The following HAPLN3 variants were observed in gnomAD, a reference collection of about 807,000 sequenced individuals.
The protein encoded by HAPLN3 is hyaluronan and proteoglycan link protein 3.
HAPLN3 carries 28 observed loss-of-function variants against 28.1 expected under a neutral mutation model. The ratio of observed to expected loss-of-function variants is 1.00; its 90% CI spans 0.74 to 1.37. HAPLN3 has a LOEUF of 1.37. Ranked by LOEUF, HAPLN3 falls within the 40% of genes most tolerant of loss-of-function variation. The pLI is 0.00. For synonymous variants in HAPLN3, 211 were observed against 213.1 expected (o/e 0.99, Z 0.09); for missense variants, 513 against 504.6 (o/e 1.02, Z -0.16).
intron 2 of HAPLN3, among the ~76,000 whole-genome samples, chr15:88,885,607 G>A (rs1011491402): frequency 6.6e-6 from 1 of 152,048 alleles, no homozygotes; most frequent in African/African-American, 2.4e-5. Context: ...AAAGGCACCT[G>A]CCACCACGCC....
In HAPLN3 at chr15:88,879,660, C is replaced by A. The variant is rs554236889; in HGVS notation, c.494-391G>T. 5 of 1,207,612 alleles carry A rather than the reference C, an allele frequency of 4.1e-6. No homozygotes were observed. Among genetic ancestry groups the A allele is most frequent in the African/African-American group, 1.6e-5 (1 of 63,374 alleles). The allele number at this position is 1,207,612 out of a possible 1,614,324, so 74.8% of individuals were successfully genotyped here. A position where few individuals can be genotyped will look rare whatever the true frequency, so the allele number is the denominator to read the frequency against. Reference sequence around the variant, plus strand: ...CCCCACTCGTTAGCTGGGACCCGATCGTCTACGTTATTATGAATGTGGAAA... The same window carrying A: ...CCCCACTCGTTAGCTGGGACCCGATAGTCTACGTTATTATGAATGTGGAAA... On this transcript the variant is annotated intron_variant, in intron 3 of 4. Coordinates refer to ENST00000359595, the MANE Select transcript of HAPLN3 (RefSeq NM_178232.4). This position sits in a 1 kb window ranked among gnomAD's most constrained non-coding sequence, Gnocchi z 5.0.
intron 1 of HAPLN3, among the ~76,000 whole-genome samples, chr15:88,893,951 TGG>T (rs1198807826): frequency 7.9e-5 from 3 of 38,084 alleles, no homozygotes; most frequent in African/African-American, 3.3e-4. Flanking sequence ...AAAGTTGGGG[TGG>T]GGGGGGCGGT....
At position 88,881,026 on chromosome 15, in the gene HAPLN3, T is replaced by G. The variant is rs924493292; in HGVS notation, c.493+331A>C. 7 of 361,050 alleles carry G rather than the reference T, an allele frequency of 1.9e-5. No individual in the cohort carries two copies. The highest frequency in any genetic ancestry group is 3.6e-5 in the Non-Finnish European group (7 of 196,462). The allele number at this position is 361,050 out of a possible 1,614,324, so 22.4% of individuals were successfully genotyped here. On this transcript the variant is annotated intron_variant, in intron 3 of 4. Transcript: ENST00000359595. The surrounding 1 kb of genome is among the most constrained non-coding windows in gnomAD (Gnocchi z 6.0). ...GCTTAAATCTCAGCTCTGTCTCTAA[T>G]AAGCTGTGGGACCAGCTCTGGTTTT...
intron 1 of HAPLN3, chr15:88,893,020 A>C: frequency 6.6e-7 from 1 of 1,517,018 alleles, no homozygotes; most frequent in African/African-American, 1.4e-5. Context: ...CTGTCTGGGC[A>C]CTCAGACCTG....
Position 88,888,005 on chromosome 15 carries a change from C to T in HAPLN3, c.-47-660G>A, listed in dbSNP as rs1444235859. 1.3e-5 allele frequency among the ~76,000 whole-genome samples: 2 copies of T among 151,644 alleles called. No individual in the cohort carries two copies. The highest frequency in any genetic ancestry group is 2.9e-5 in the Non-Finnish European group (2 of 67,936). The stretch of plus-strand genomic sequence containing the variant: ...AAAGAAAAGAAAAGAAAGGTATGAG[C>T]AGCACTTTTTAATGACGCCAAATAA... On this transcript the variant is annotated intron_variant, in intron 1 of 4. Transcript: ENST00000359595. This position sits in a 1 kb window ranked among gnomAD's most constrained non-coding sequence, Gnocchi z 4.1.
intron 4 of HAPLN3, 87 bp from the exon 5 acceptor site, chr15:88,878,343 C>T: frequency 8.0e-7 from 1 of 1,242,322 alleles, no homozygotes; most frequent in Non-Finnish European, 1.1e-6. Flanking sequence ...GCCCCAAAGA[C>T]CCGTCTGAGC....
At chr15:88,885,018 T>C (rs1179546805) in intron 2 of HAPLN3, among the ~76,000 whole-genome samples, 2 of 152,252 alleles carry the variant, frequency 1.3e-5, no homozygotes, top group Non-Finnish European at 2.9e-5. Flanking sequence ...AGTGAGAGAA[T>C]ACATTTCTGT....
intron 1 of HAPLN3, among the ~76,000 whole-genome samples, chr15:88,887,924 T>C (rs1897908862): frequency 6.6e-6 from 1 of 151,486 alleles, no homozygotes; most frequent in African/African-American, 2.4e-5. Flanking sequence ...GATCATGCCA[T>C]TGCACTCCAG....
chr15:88,883,655 A>G (rs1404687326), intron 2 of HAPLN3, among the ~76,000 whole-genome samples: 1 of 152,268 alleles, frequency 6.6e-6, no homozygotes, highest in African/African-American at 2.4e-5. Context: ...ATGTAAAATA[A>G]TCTGGTAGAT....
At chr15:88,893,957 G>T (rs1004177993) in intron 1 of HAPLN3, among the ~76,000 whole-genome samples, 2 of 150,536 alleles carry the variant, frequency 1.3e-5, no homozygotes, top group African/African-American at 4.9e-5. Context: ...GGGGTGGGGG[G>T]GGCGGTCACG....
At chr15:88,887,421 C>T (rs1308187113) in intron 1 of HAPLN3, 76 bp from the exon 2 acceptor site, 2 of 1,329,094 alleles carry the variant, frequency 1.5e-6, no homozygotes, top group Admixed American at 2.1e-5. Context: ...TCCAACACCA[C>T]TCACTCGCTT....
intron 1 of HAPLN3, among the ~76,000 whole-genome samples, chr15:88,889,113 TAG>T (rs1338577129): frequency 2.0e-5 from 3 of 152,170 alleles, no homozygotes; most frequent in Admixed American, 6.5e-5. Flanking sequence ...GCCTCTGCCA[TAG>T]AGTGTCTGCT....
At position 88,877,744 on chromosome 15, in the gene HAPLN3, G is replaced by T. The variant is rs1189600065; in HGVS notation, c.*226C>A. 5.6e-6 allele frequency: 3 copies of T among 531,660 alleles called. No individual in the cohort carries two copies. Among genetic ancestry groups the T allele is most frequent in the Non-Finnish European group, 9.8e-6 (3 of 305,514 alleles). The allele number at this position is 531,660 out of a possible 1,614,324, so 32.9% of individuals were successfully genotyped here. ...GAACCCTCCAGAAGCCCACAAAACCGCAAATGGCCCAGGGGAGCAAGCATG... is the reference window on the plus strand; with the variant it reads ...GAACCCTCCAGAAGCCCACAAAACCTCAAATGGCCCAGGGGAGCAAGCATG... On this transcript the variant is annotated 3_prime_UTR_variant, in exon 5 of 5. Transcript: ENST00000359595. This position sits in a 1 kb window ranked among gnomAD's most constrained non-coding sequence, Gnocchi z 5.1.
In HAPLN3 at chr15:88,881,637, G is replaced by C. The variant is rs1411777626; in HGVS notation, c.213C>G (p.Arg71=). Reference sequence around the variant, plus strand: ...AGACCAGGGCCGGCTCGTAGCGGTAGCGGCAGGGCAGGATCACACTGGCCC... The same window carrying C: ...AGACCAGGGCCGGCTCGTAGCGGTACCGGCAGGGCAGGATCACACTGGCCC... ...YQGASVILPC[R]YRYEPALVSP... Residue 71 remains arginine (R), a synonymous_variant, in exon 3 of 5, where the codon CGC becomes CGG. Coordinates refer to ENST00000359595, the MANE Select transcript of HAPLN3 (RefSeq NM_178232.4). The surrounding 1 kb of genome is among the most constrained non-coding windows in gnomAD (Gnocchi z 6.0). 1.9e-6 allele frequency: 3 copies of C among 1,613,790 alleles called. No homozygotes were observed. The highest frequency in any genetic ancestry group is 2.5e-6 in the Non-Finnish European group (3 of 1,180,042).
At position 88,878,437 on chromosome 15, in the gene HAPLN3, A is replaced by G. The variant is rs117784193; in HGVS notation, c.797-181T>C. On this transcript the variant is annotated intron_variant, in intron 4 of 4. Coordinates refer to ENST00000359595, the MANE Select transcript of HAPLN3 (RefSeq NM_178232.4). ...CCCAGAGAGCTCTGTCCCACCTGCC[A>G]TAGAACCCAGGTCCCTCCAGACATG... Among the ~76,000 whole-genome samples, 124 of 152,270 alleles carry G rather than the reference A, an allele frequency of 8.1e-4. 1 individual carries two copies. Among genetic ancestry groups the G allele is most frequent in the Admixed American group, 3.7e-3 (56 of 15,300 alleles).
chr15:88,885,462 T>G (rs954646378), intron 2 of HAPLN3, among the ~76,000 whole-genome samples: 6 of 147,498 alleles, frequency 4.1e-5, no homozygotes, highest in Admixed American at 1.3e-4. Flanking sequence ...TTTTGTGTTT[T>G]TTTTTTTTTT....
At position 88,887,365 on chromosome 15, in the gene HAPLN3, A is replaced by C; in HGVS notation, c.-47-20T>G. The C allele has an allele frequency of 1.3e-6, 2 of 1,591,920 alleles. No individual in the cohort carries two copies. Among genetic ancestry groups the C allele is most frequent in the Non-Finnish European group, 1.7e-6 (2 of 1,169,532 alleles). ...GGCAAACTGGGAAGGGGAGGAAAACAAGGCAATTAGAAAAGCCTGGCTTCC... is the reference window on the plus strand; with the variant it reads ...GGCAAACTGGGAAGGGGAGGAAAACCAGGCAATTAGAAAAGCCTGGCTTCC... On this transcript the variant is annotated intron_variant, in intron 1 of 4. Coordinates refer to ENST00000359595, the MANE Select transcript of HAPLN3 (RefSeq NM_178232.4).
In HAPLN3 at chr15:88,887,915, A is replaced by T. The variant is rs181179541; in HGVS notation, c.-47-570T>A. On this transcript the variant is annotated intron_variant, in intron 1 of 4. Coordinates refer to ENST00000359595, the MANE Select transcript of HAPLN3 (RefSeq NM_178232.4). Reference sequence around the variant, plus strand: ...GAGGCAGAGGTTGTGGTGAGCCAAGATCATGCCATTGCACTCCAGCCTGGG... The same window carrying T: ...GAGGCAGAGGTTGTGGTGAGCCAAGTTCATGCCATTGCACTCCAGCCTGGG... Among the ~76,000 whole-genome samples the T allele has an allele frequency of 6.9e-3, 1,050 of 152,082 alleles. 16 individuals are homozygous for T. The highest frequency in any genetic ancestry group is 0.024 in the African/African-American group (1,006 of 41,502).
chr15:88,893,543 T>G (rs1331301259), intron 1 of HAPLN3, among the ~76,000 whole-genome samples: 1 of 152,144 alleles, frequency 6.6e-6, no homozygotes, highest in African/African-American at 2.4e-5. Flanking sequence ...ATTGGCTGCC[T>G]GCATTCAGTT....
Sources: allele counts gnomAD v4.1 joint callset (sites outside exome capture counted in the v4.1 genomes callset), GRCh38; gene constraint gnomAD v4.1.1; non-coding constraint Gnocchi (gnomAD v3.1); transcripts MANE v1.5; gene names NCBI Gene and HGNC (gene_info 2026-07-23, HGNC 2026-07-21).